The following MEX3B variants were observed in gnomAD, a reference collection of about 807,000 sequenced individuals.
MEX3B encodes mex-3 RNA binding family member B, also known as RNA-binding protein MEX3B.
A neutral mutation model predicts 12.2 loss-of-function variants in MEX3B; 10 were observed. The ratio of observed to expected loss-of-function variants is 0.82; its 90% CI spans 0.51 to 1.40. MEX3B has a LOEUF of 1.40. MEX3B is among the 40% of genes most tolerant of loss of function. The probability of loss-of-function intolerance (pLI) is 0.00; values close to 1 mark genes in which losing one functional copy is unlikely to be tolerated. For missense variants in MEX3B, 839 were observed against 801.4 expected, an observed-to-expected ratio of 1.05 and a Z score of -0.57; for synonymous variants, 498 against 356.3, an observed-to-expected ratio of 1.40 and a Z score of -4.48.
rs2073233178 is a variant in MEX3B at position 82,043,458 on chromosome 15, T to C, written c.1412A>G (p.Tyr471Cys). The change falls in exon 2 of 2, where the codon TAC (tyrosine) becomes TGC (cysteine). Residue 471 changes from tyrosine (Y) to cysteine (C), a missense_variant. This residue lies in a region of MEX3B where 573 missense variants were observed against 488.9 expected (regional missense o/e 1.17). Coordinates refer to ENST00000329713, the MANE Select transcript of MEX3B (RefSeq NM_032246.6). ...RSDPGGGGLA[Y>C]AAYANGLGAQ... is the part of the protein sequence containing the mutation. ...CCCCAGCCCGTTGGCATAAGCGGCG[T>C]AGGCCAGGCCTCCTCCACCCGGGTC... 1 of 1,547,226 alleles carries C rather than the reference T, an allele frequency of 6.5e-7. No homozygotes were observed. The highest frequency in any genetic ancestry group is 8.7e-7 in the Non-Finnish European group (1 of 1,146,162).
rs371568442 is a variant in MEX3B, at chr15:82,042,430, T to G, written c.*730A>C. On this transcript the variant is annotated 3_prime_UTR_variant, in exon 2 of 2. Transcript: ENST00000329713. ...AAGATTTAACCCAGCTACAAAAAAG[T>G]TCACTGAACTTAAATTAAAATACTT... 6.6e-6 allele frequency: 1 copy of G among 152,522 alleles called. No homozygotes were observed. Among genetic ancestry groups the G allele is most frequent in the East Asian group, 1.9e-4 (1 of 5,204 alleles). The allele number at this position is 152,522 out of a possible 1,614,324, so 9.4% of individuals were successfully genotyped here.
In MEX3B at chr15:82,044,305, G is replaced by C. The variant is rs1381653195; in HGVS notation, c.565C>G (p.Gln189Glu). Residue 189 changes from glutamine to glutamate, a missense_variant, in exon 2 of 2, where the codon CAG becomes GAG. Gln to Glu is a conservative substitution (Grantham distance 29). Transcript: ENST00000329713. The surrounding 1 kb of genome is among the most constrained non-coding windows in gnomAD (Gnocchi z 5.3). ...GGCGTCACGATGTACGTGTGCGTCTGCTGCTGGATGCGCTTGATTGTGGCG... is the reference window on the plus strand; with the variant it reads ...GGCGTCACGATGTACGTGTGCGTCTCCTGCTGGATGCGCTTGATTGTGGCG... ...KGATIKRIQQ[Q>E]THTYIVTPSR... The C allele has an allele frequency of 2.5e-6, 4 of 1,613,232 alleles. No homozygotes were observed. The African/African-American group carries it at 4.0e-5, about 16-fold the overall frequency.
In MEX3B at chr15:82,043,323, C is replaced by T. The variant is rs748677591; in HGVS notation, c.1547G>A (p.Arg516His). ...GCTCTCGAAGCACACGGAGCAGTCG[C>T]GGCTGCCTTTACGCCGAAGCCCGGA... ...SSSGLRRKGS[R>H]DCSVCFESEV... Residue 516 changes from arginine (R) to histidine (H), a missense_variant, in exon 2 of 2, where the codon CGC becomes CAC. Physicochemically the swap from Arg to His is conservative, Grantham distance 29. Transcript: ENST00000329713. 5 of 1,606,966 alleles carry T rather than the reference C, an allele frequency of 3.1e-6. No individual in the cohort carries two copies. In the South Asian group the frequency reaches 5.6e-5, roughly 18 times the overall value.
chr15:82,043,614 G>A lies in MEX3B; in HGVS notation c.1256C>T (p.Pro419Leu), dbSNP rs375577819. Reference protein sequence around the residue: ...VVFPGGGASAPSNANLGLLVH... With the variant: ...VVFPGGGASALSNANLGLLVH... ...CAATAGCCCCAGGTTGGCGTTGGAG[G>A]GCGCACTGGCGCCACCCCCGGGGAA... Residue 419 changes from proline to leucine, a missense_variant, in exon 2 of 2, where the codon CCC (proline) becomes CTC (leucine). By Grantham distance (98) the Pro-to-Leu change is moderately conservative (BLOSUM62 -3). Transcript: ENST00000329713. 18 of 1,597,744 alleles carry A rather than the reference G, an allele frequency of 1.1e-5. 1 individual carries two copies. Among genetic ancestry groups the A allele is most frequent in the South Asian group, 1.1e-4 (10 of 89,118 alleles).
chr15:82,044,490 A>T lies in MEX3B; in HGVS notation c.380T>A (p.Ile127Asn), dbSNP rs1283624267. ...GGAGAAGTGCTCGGCAGCAGAGATGATCTCCCTCCGAGCCATGGCCACATC... is the reference window on the plus strand; with the variant it reads ...GGAGAAGTGCTCGGCAGCAGAGATGTTCTCCCTCCGAGCCATGGCCACATC... ...KEDVAMARREIISAAEHFSMI... is the reference protein window; with the variant it reads ...KEDVAMARRENISAAEHFSMI... Residue 127 changes from isoleucine (I) to asparagine (N), a missense_variant, in exon 2 of 2, where the codon ATC becomes AAC. Coordinates refer to ENST00000329713, the MANE Select transcript of MEX3B (RefSeq NM_032246.6). The surrounding 1 kb of genome is among the most constrained non-coding windows in gnomAD (Gnocchi z 5.3). The T allele has an allele frequency of 6.2e-7, 1 of 1,613,672 alleles. No homozygotes were observed. Among genetic ancestry groups the T allele is most frequent in the African/African-American group, 1.3e-5 (1 of 74,860 alleles).
In MEX3B at chr15:82,044,244, C is replaced by T; in HGVS notation, c.626G>A (p.Gly209Asp). The T allele has an allele frequency of 6.2e-7, 1 of 1,614,016 alleles. No homozygotes were observed. The highest frequency in any genetic ancestry group is 8.5e-7 in the Non-Finnish European group (1 of 1,180,018). Residue 209 changes from glycine (G) to aspartate (D), a missense_variant, in exon 2 of 2, where the codon GGC becomes GAC. Around this residue, in one of 3 missense-constraint regions of MEX3B, gnomAD observed 52 missense variants for 88.7 expected, o/e 0.59. Coordinates refer to ENST00000329713, the MANE Select transcript of MEX3B (RefSeq NM_032246.6). The surrounding 1 kb of genome is among the most constrained non-coding windows in gnomAD (Gnocchi z 5.3). ...AGCGCGATCCACGTTCTCTGGCATG[C>T]CGGTCACCTCGAACACCGGCTCCTT... Reference protein sequence around the residue: ...RDKEPVFEVTGMPENVDRARE... With the variant: ...RDKEPVFEVTDMPENVDRARE...
rs759484783 is a variant in MEX3B at position 82,043,431 on chromosome 15, G to A, written c.1439C>T (p.Ala480Val). The change falls in exon 2 of 2, where the codon GCA (alanine) becomes GTA (valine). Residue 480 changes from alanine to valine, a missense_variant. Transcript: ENST00000329713. ...CGACGGCTGCAAGCCAGGCAGCTGT[G>A]CCCCCAGCCCGTTGGCATAAGCGGC... ...AYAAYANGLG[A>V]QLPGLQPSDT... 5.8e-6 allele frequency: 9 copies of A among 1,565,116 alleles called. No homozygotes were observed. The highest frequency in any genetic ancestry group is 1.9e-5 in the Admixed American group (1 of 52,470).
Position 82,045,551 on chromosome 15 carries a change from G to T in MEX3B, c.155C>A (p.Ala52Asp). ...GCGCGGCTCGCTGTCGTACAGAGAG[G>T]CGCCCTCGTCACTGTCCAGCCCCAG... ...SLLGLDSDEGASLYDSEPRKK... is the reference protein window; with the variant it reads ...SLLGLDSDEGDSLYDSEPRKK... Residue 52 changes from alanine to aspartate, a missense_variant, in exon 1 of 2, where the codon GCC becomes GAC. Ala to Asp is a moderately radical substitution (Grantham distance 126, BLOSUM62 -2). This residue lies in a region of MEX3B where 214 missense variants were observed against 223.8 expected (regional missense o/e 0.96). Transcript: ENST00000329713. 1 of 1,611,798 alleles carries T rather than the reference G, an allele frequency of 6.2e-7. No homozygotes were observed. The highest frequency in any genetic ancestry group is 8.5e-7 in the Non-Finnish European group (1 of 1,179,738).
In MEX3B at chr15:82,045,619, A is replaced by C. The variant is rs200876981; in HGVS notation, c.87T>G (p.Asp29Glu). The C allele has an allele frequency of 1.9e-6, 3 of 1,602,986 alleles. No homozygotes were observed. Among genetic ancestry groups the C allele is most frequent in the Non-Finnish European group, 2.5e-6 (3 of 1,177,522 alleles). ...GGSSGGGETL[D>E]DQRALQLALD... ...GCGCGAGCTGCAGGGCTCTTTGGTC[A>C]TCCAGGGTCTCTCCCCCTCCGCTGC... Residue 29 changes from aspartate to glutamate, a missense_variant, in exon 1 of 2, where the codon GAT becomes GAG. Physicochemically the swap from Asp to Glu is conservative, Grantham distance 45. Transcript: ENST00000329713.
In MEX3B at chr15:82,043,392, G is replaced by A. The variant is rs758898159; in HGVS notation, c.1478C>T (p.Ser493Phe). Residue 493 changes from serine to phenylalanine, a missense_variant, in exon 2 of 2, where the codon TCC becomes TTC. Physicochemically the swap from Ser to Phe is radical, Grantham distance 155. Transcript: ENST00000329713. ...GGAGGAGGAGCTGGACGAAGAGGAG[G>A]AGCCCGACGTGTCCGACGGCTGCAA... ...PGLQPSDTSG[S>F]SSSSSSSSSS... 2 of 1,585,486 alleles carry A rather than the reference G, an allele frequency of 1.3e-6. No homozygotes were observed. Among genetic ancestry groups the A allele is most frequent in the Admixed American group, 1.8e-5 (1 of 56,236 alleles).
intron 1 of MEX3B, 192 bp downstream of exon 1, chr15:82,045,258 C>A: frequency 2.7e-6 from 2 of 738,320 alleles, no homozygotes; most frequent in South Asian, 1.6e-5. Flanking sequence ...CCCGCCAGGG[C>A]AGCGGCGCGG....
chr15:82,043,614 G>C lies in MEX3B; in HGVS notation c.1256C>G (p.Pro419Arg), dbSNP rs375577819. Residue 419 changes from proline (P) to arginine (R), a missense_variant, in exon 2 of 2, where the codon CCC becomes CGC. Physicochemically the swap from Pro to Arg is moderately radical, Grantham distance 103 (BLOSUM62 -2). Transcript: ENST00000329713. ...CAATAGCCCCAGGTTGGCGTTGGAG[G>C]GCGCACTGGCGCCACCCCCGGGGAA... ...VVFPGGGASA[P>R]SNANLGLLVH... is the part of the protein sequence containing the mutation. 13 of 1,597,626 alleles carry C rather than the reference G, an allele frequency of 8.1e-6. No homozygotes were observed. The highest frequency in any genetic ancestry group is 9.4e-6 in the Non-Finnish European group (11 of 1,172,774).
At position 82,043,990 on chromosome 15, in the gene MEX3B, T is replaced by C; in HGVS notation, c.880A>G (p.Ser294Gly). The change falls in exon 2 of 2, where the codon AGT becomes GGT. Residue 294 changes from serine (S) to glycine (G), a missense_variant. Around this residue, in one of 3 missense-constraint regions of MEX3B, gnomAD observed 573 missense variants for 488.9 expected, o/e 1.17. Transcript: ENST00000329713. ...CCGAAATAAGAGTCTGTGGAAGCACTGCCAAGCGAGCTGGAGCTGTCGTTG... is the reference window on the plus strand; with the variant it reads ...CCGAAATAAGAGTCTGTGGAAGCACCGCCAAGCGAGCTGGAGCTGTCGTTG... ...YRNDSSSSLG[S>G]ASTDSYFGGG... The C allele has an allele frequency of 1.2e-6, 2 of 1,607,640 alleles. No individual in the cohort carries two copies. Among genetic ancestry groups the C allele is most frequent in the Non-Finnish European group, 1.7e-6 (2 of 1,179,738 alleles).
In MEX3B at chr15:82,043,102, G is replaced by A; in HGVS notation, c.*58C>T. The A allele has an allele frequency of 2.2e-5, 31 of 1,404,244 alleles. No homozygotes were observed. Among genetic ancestry groups the A allele is most frequent in the Non-Finnish European group, 2.9e-5 (31 of 1,075,008 alleles). The allele number at this position is 1,404,244 out of a possible 1,614,324, so 87.0% of individuals were successfully genotyped here. A position where few individuals can be genotyped will look rare whatever the true frequency, so the allele number is the denominator to read the frequency against. ...AGGCAGGCGAGCGCTGGGGAAAGAGGGTGGGGAGGGGTTCCCCCTTCCCCC... is the reference window on the plus strand; with the variant it reads ...AGGCAGGCGAGCGCTGGGGAAAGAGAGTGGGGAGGGGTTCCCCCTTCCCCC... On this transcript the variant is annotated 3_prime_UTR_variant, in exon 2 of 2. Transcript: ENST00000329713.
Position 82,042,019 on chromosome 15 carries a change from C to T in MEX3B, c.*1141G>A, listed in dbSNP as rs2073222919. ...CTTTGCTCAGTAAAGTACATTTAAG[C>T]TCAAGTAACATCACCTACATATACA... is the stretch of plus-strand genomic sequence containing the variant. On this transcript the variant is annotated 3_prime_UTR_variant, in exon 2 of 2. Transcript: ENST00000329713. 1 of 152,534 alleles carries T rather than the reference C, an allele frequency of 6.6e-6. No individual in the cohort carries two copies. The highest frequency in any genetic ancestry group is 1.5e-5 in the Non-Finnish European group (1 of 68,018). The allele number at this position is 152,534 out of a possible 1,614,324, so 9.4% of individuals were successfully genotyped here. A position where few individuals can be genotyped will look rare whatever the true frequency, so the allele number is the denominator to read the frequency against.
chr15:82,042,903 C>A lies in MEX3B; in HGVS notation c.*257G>T. The A allele has an allele frequency of 2.8e-6, 1 of 353,646 alleles. No homozygotes were observed. The highest frequency in any genetic ancestry group is 5.1e-6 in the Non-Finnish European group (1 of 197,580). 21.9% of individuals were successfully genotyped at this position (353,646 alleles called of 1,614,324 possible). A position where few individuals can be genotyped will look rare whatever the true frequency, so the allele number is the denominator to read the frequency against. ...CCTATTATTTATAGAGCATGCATTT[C>A]AGGTGTTCAGGTTTCCCAGGCTACA... On this transcript the variant is annotated 3_prime_UTR_variant, in exon 2 of 2. Coordinates refer to ENST00000329713, the MANE Select transcript of MEX3B (RefSeq NM_032246.6).
rs1167014164 is a variant in MEX3B at position 82,042,381 on chromosome 15, G to A, written c.*779C>T. On this transcript the variant is annotated 3_prime_UTR_variant, in exon 2 of 2. Transcript: ENST00000329713. ...TTATTAAAATAATACAGTGTTCTTT[G>A]CCATAAGGCCATACTAAAATAAAAA... is the stretch of plus-strand genomic sequence containing the variant. The A allele has an allele frequency of 1.3e-5, 2 of 152,448 alleles. No individual in the cohort carries two copies. Among genetic ancestry groups the A allele is most frequent in the Admixed American group, 6.6e-5 (1 of 15,266 alleles). 9.4% of individuals were successfully genotyped at this position (152,448 alleles called of 1,614,324 possible). A position where few individuals can be genotyped will look rare whatever the true frequency, so the allele number is the denominator to read the frequency against.
At position 82,043,932 on chromosome 15, in the gene MEX3B, T is replaced by G. The variant is rs1420748213; in HGVS notation, c.938A>C (p.Gln313Pro). The G allele has an allele frequency of 6.2e-7, 1 of 1,603,764 alleles. No homozygotes were observed. The highest frequency in any genetic ancestry group is 8.5e-7 in the Non-Finnish European group (1 of 1,177,774). ...GGTSSSAAAT[Q>P]RLADYSPPSP... ...AGGGGGGCTGTAGTCCGCCAGGCGC[T>G]GGGTAGCCGCTGCGCTGCTGCTGGT... The change falls in exon 2 of 2, where the codon CAG (glutamine) becomes CCG (proline). Residue 313 changes from glutamine to proline, a missense_variant. Around this residue, in one of 3 missense-constraint regions of MEX3B, gnomAD observed 573 missense variants for 488.9 expected, o/e 1.17. Coordinates refer to ENST00000329713, the MANE Select transcript of MEX3B (RefSeq NM_032246.6).
chr15:82,044,109 T>C lies in MEX3B; in HGVS notation c.761A>G (p.His254Arg). The change falls in exon 2 of 2, where the codon CAT becomes CGT. Residue 254 changes from histidine (H) to arginine (R), a missense_variant. His to Arg is a conservative substitution (Grantham distance 29). Around this residue, in one of 3 missense-constraint regions of MEX3B, gnomAD observed 573 missense variants for 488.9 expected, o/e 1.17. Coordinates refer to ENST00000329713, the MANE Select transcript of MEX3B (RefSeq NM_032246.6). This position sits in a 1 kb window ranked among gnomAD's most constrained non-coding sequence, Gnocchi z 5.3. ...GCCTGGGCCGGACCCGCCGGACCCA[T>C]GATGCAGATCGAAGCCCACATCGGT... ...NGTDVGFDLH[H>R]GSGGSGPGSL... The C allele has an allele frequency of 1.2e-6, 2 of 1,613,064 alleles. No individual in the cohort carries two copies. Among genetic ancestry groups the C allele is most frequent in the South Asian group, 2.2e-5 (2 of 91,066 alleles).
Sources: gnomAD v4.1 joint callset for allele counts on GRCh38, gnomAD v4.1.1 for gene constraint, gnomAD v4.1.1 regional missense constraint, Gnocchi (gnomAD v3.1) non-coding constraint, MANE v1.5 for transcripts, NCBI Gene and HGNC (gene_info 2026-07-23, HGNC 2026-07-21) for gene names.